The following PRAMEF15 variants were observed in gnomAD, a reference collection of about 807,000 sequenced individuals.
PRAMEF15 encodes the protein PRAME family member 9/15.
A neutral mutation model predicts 35.3 loss-of-function variants in PRAMEF15; 21 were observed. The ratio of observed to expected loss-of-function variants is 0.59; its 90% CI spans 0.42 to 0.86. The LOEUF (loss-of-function observed/expected upper bound fraction) is 0.86, where lower values mean the gene tolerates loss of function less well. PRAMEF15 is among the 40% of genes least tolerant of loss of function. The pLI is 0.00. For synonymous variants in PRAMEF15, 122 were observed against 223.3 expected, an observed-to-expected ratio of 0.55 and a Z score of 4.05; for missense variants, 360 against 574.1, an observed-to-expected ratio of 0.63 and a Z score of 3.81.
chr1:13,317,397 C>A (rs80279290), intron 1 of PRAMEF15, among the ~76,000 whole-genome samples: 1 of 151,764 alleles, frequency 6.6e-6, no homozygotes. Context: ...ACATGTGTAA[C>A]AGGAGTGCAT....
chr1:13,315,863 C>T (rs1171761150), intron 1 of PRAMEF15, among the ~76,000 whole-genome samples: 1 of 151,648 alleles, frequency 6.6e-6, no homozygotes, highest in Non-Finnish European at 1.5e-5. Context: ...TTGGTTGATG[C>T]CATTTTAAAA....
chr1:13,319,941 A>G lies in PRAMEF15; in HGVS notation c.863A>G (p.Asp288Gly). The G allele has an allele frequency of 6.2e-7, 1 of 1,610,990 alleles. No individual in the cohort carries two copies. The highest frequency in any genetic ancestry group is 8.5e-7 in the Non-Finnish European group (1 of 1,179,760). The change falls in exon 3 of 4, where the codon GAC becomes GGC. Residue 288 changes from aspartate (D) to glycine (G), a missense_variant. By Grantham distance (94) the Asp-to-Gly change is moderately conservative. Around this residue, in one of 8 missense-constraint regions of PRAMEF15, gnomAD observed 72 missense variants for 79.9 expected, o/e 0.90. Transcript: ENST00000376152. ...NSVSFLEGHL[D>G]QLLSCLKTSL... ...GTTTCTTTCCTCGAAGGCCACCTGG[A>G]CCAGCTGCTCAGGTGAGGGAGGATG...
Position 13,319,386 on chromosome 1 carries a change from A to G in PRAMEF15, c.308A>G (p.Gln103Arg), listed in dbSNP as rs1355187760. The change falls in exon 3 of 4, where the codon CAA becomes CGA. Residue 103 changes from glutamine (Q) to arginine (R), a missense_variant. Physicochemically the swap from Gln to Arg is conservative, Grantham distance 43. Coordinates refer to ENST00000376152, the MANE Select transcript of PRAMEF15 (RefSeq NM_001098376.3). ...QGVRPRRWKL[Q>R]VLDLQDVCEN... Reference sequence around the variant, plus strand: ...TTTTGCCACAGGAGGTGGAAACTCCAAGTGCTGGATTTACAGGATGTCTGT... The same window carrying G: ...TTTTGCCACAGGAGGTGGAAACTCCGAGTGCTGGATTTACAGGATGTCTGT... 1.9e-6 allele frequency: 3 copies of G among 1,611,302 alleles called. No homozygotes were observed. Among genetic ancestry groups the G allele is most frequent in the Admixed American group, 3.3e-5 (2 of 59,948 alleles).
chr1:13,322,097 G>T lies in PRAMEF15; in HGVS notation c.1270G>T (p.Ala424Ser). 1 of 1,609,720 alleles carries T rather than the reference G, an allele frequency of 6.2e-7. No homozygotes were observed. The highest frequency in any genetic ancestry group is 8.5e-7 in the Non-Finnish European group (1 of 1,179,002). ...LYPAPRESYG[A>S]DGTLCWSRFA... ...TCCTGCCCCCCGAGAGAGTTATGGT[G>T]CTGATGGTACTCTCTGCTGGAGCAG... The change falls in exon 4 of 4, where the codon GCT (alanine) becomes TCT (serine). Residue 424 changes from alanine to serine, a missense_variant. By Grantham distance (99) the Ala-to-Ser change is moderately conservative. Around this residue, in one of 8 missense-constraint regions of PRAMEF15, gnomAD observed 147 missense variants for 123.5 expected, o/e 1.19. Transcript: ENST00000376152.
chr1:13,320,264 A>T (rs1640065938), intron 3 of PRAMEF15, among the ~76,000 whole-genome samples: 7 of 152,080 alleles, frequency 4.6e-5, no homozygotes, highest in Admixed American at 3.9e-4. Context: ...CTAAGTTAAG[A>T]TGATGAAAAA....
chr1:13,322,426 G>A lies in PRAMEF15; in HGVS notation c.*162G>A. ...AGCTGATCAAGCAGGGGCCGGACTT[G>A]GGGGAAATGTTGCCATGGATTCGAT... On this transcript the variant is annotated 3_prime_UTR_variant, in exon 4 of 4. Coordinates refer to ENST00000376152, the MANE Select transcript of PRAMEF15 (RefSeq NM_001098376.3). The A allele has an allele frequency of 1.4e-6, 1 of 720,942 alleles. No individual in the cohort carries two copies. The highest frequency in any genetic ancestry group is 2.3e-6 in the Non-Finnish European group (1 of 443,186). 44.7% of individuals were successfully genotyped at this position (720,942 alleles called of 1,614,324 possible).
Position 13,319,859 on chromosome 1 carries a change from C to G in PRAMEF15, c.781C>G (p.Gln261Glu). 1 of 1,604,158 alleles carries G rather than the reference C, an allele frequency of 6.2e-7. No homozygotes were observed. Among genetic ancestry groups the G allele is most frequent in the Non-Finnish European group, 8.5e-7 (1 of 1,179,766 alleles). Reference sequence around the variant, plus strand: ...AGAGCAGAAGAAGGAGATTGTTACCCAGTTCACCACTCAGTTCCTCAAGCT... The same window carrying G: ...AGAGCAGAAGAAGGAGATTGTTACCGAGTTCACCACTCAGTTCCTCAAGCT... ...SPEQKKEIVTQFTTQFLKLRC... is the reference protein window; with the variant it reads ...SPEQKKEIVTEFTTQFLKLRC... The change falls in exon 3 of 4, where the codon CAG becomes GAG. Residue 261 changes from glutamine (Q) to glutamate (E), a missense_variant. Gln to Glu is a conservative substitution (Grantham distance 29, BLOSUM62 2). Transcript: ENST00000376152.
chr1:13,320,256 A>G (rs1394821003), intron 3 of PRAMEF15, among the ~76,000 whole-genome samples: 43 of 152,068 alleles, frequency 2.8e-4, no homozygotes, highest in African/African-American at 8.9e-4. Flanking sequence ...ACATGTGTCT[A>G]AGTTAAGATG....
In PRAMEF15 at chr1:13,318,450, G is replaced by C. The variant is rs1419014314; in HGVS notation, c.43G>C (p.Ala15Pro). The change falls in exon 2 of 4, where the codon GCA (alanine) becomes CCA (proline). Residue 15 changes from alanine (A) to proline (P), a missense_variant. Around this residue, in one of 8 missense-constraint regions of PRAMEF15, gnomAD observed 31 missense variants for 46.4 expected, o/e 0.67. Coordinates refer to ENST00000376152, the MANE Select transcript of PRAMEF15 (RefSeq NM_001098376.3). ...IRTPPRLLEL[A>P]GRSLLRDQAL... ...GACTCCACCCAGACTCCTGGAGCTT[G>C]CAGGGCGGAGCCTGCTGAGGGACCA... 4.3e-6 allele frequency: 7 copies of C among 1,613,794 alleles called. No homozygotes were observed. In the African/African-American group the frequency reaches 5.3e-5, roughly 12 times the overall value.
chr1:13,316,571 C>T (rs1640008000), intron 1 of PRAMEF15, among the ~76,000 whole-genome samples: 1 of 151,916 alleles, frequency 6.6e-6, no homozygotes, highest in Non-Finnish European at 1.5e-5. Context: ...ATGAGAATTG[C>T]TTGAATCTTG....
intron 3 of PRAMEF15, among the ~76,000 whole-genome samples, chr1:13,320,358 A>G (rs1339862312): frequency 6.6e-6 from 1 of 152,140 alleles, no homozygotes; most frequent in Non-Finnish European, 1.5e-5. Context: ...TAGGAGTTTA[A>G]GACCAGTCTG....
At chr1:13,316,041 C>T (rs1235699919) in intron 1 of PRAMEF15, among the ~76,000 whole-genome samples, 3 of 150,790 alleles carry the variant, frequency 2.0e-5, no homozygotes, top group Admixed American at 1.3e-4. Context: ...ACTGTGTTGC[C>T]CAGACTGGAG....
rs1309240475 is a variant in PRAMEF15 at position 13,316,002 on chromosome 1, G to GT, written c.-17+352dup. On this transcript the variant is annotated intron_variant, in intron 1 of 3. Transcript: ENST00000376152. The stretch of plus-strand genomic sequence containing the variant: ...TGACAAAAACCCTCCTCTGCACAAC[G>GT]TTTTTTTTGGGGGTGGGGATGGAGT... Among the ~76,000 whole-genome samples the GT allele has an allele frequency of 5.4e-5, 8 of 148,058 alleles. No homozygotes were observed. In the East Asian group the frequency reaches 6.2e-4, roughly 11 times the overall value.
At chr1:13,317,677 TGAG>T (rs1226047740) in intron 1 of PRAMEF15, among the ~76,000 whole-genome samples, 1 of 151,470 alleles carries the variant, frequency 6.6e-6, no homozygotes, top group African/African-American at 2.4e-5. Flanking sequence ...CTTGGGAGGC[TGAG>T]GAGGAAGAAT....
intron 1 of PRAMEF15, among the ~76,000 whole-genome samples, chr1:13,318,129 A>G (rs1166671447): frequency 1.3e-5 from 2 of 152,010 alleles, no homozygotes; most frequent in African/African-American, 4.8e-5. Flanking sequence ...AGGTTCCTCC[A>G]TACTCACTAG....
Position 13,319,376 on chromosome 1 carries a change from T to A in PRAMEF15, c.298T>A (p.Trp100Arg), listed in dbSNP as rs1303327767. The A allele has an allele frequency of 6.2e-7, 1 of 1,610,642 alleles. No homozygotes were observed. Among genetic ancestry groups the A allele is most frequent in the Admixed American group, 1.7e-5 (1 of 59,910 alleles). The stretch of plus-strand genomic sequence containing the variant: ...CTCACCTCTATTTTGCCACAGGAGG[T>A]GGAAACTCCAAGTGCTGGATTTACA... The part of the protein sequence containing the change: ...LLTQGVRPRR[W>R]KLQVLDLQDV... The change falls in exon 3 of 4, where the codon TGG becomes AGG. Residue 100 changes from tryptophan to arginine, a missense_variant. By Grantham distance (101) the Trp-to-Arg change is moderately radical. Around this residue, in one of 8 missense-constraint regions of PRAMEF15, gnomAD observed 44 missense variants for 25.9 expected, o/e 1.70. Coordinates refer to ENST00000376152, the MANE Select transcript of PRAMEF15 (RefSeq NM_001098376.3).
intron 3 of PRAMEF15, among the ~76,000 whole-genome samples, chr1:13,320,839 T>G (rs1470233287): frequency 0.025 from 3,441 of 136,210 alleles, no homozygotes; most frequent in East Asian, 0.13. Context: ...CCCACAGTTT[T>G]GTGAACATGA....
At chr1:13,316,420 T>G (rs1640004807) in intron 1 of PRAMEF15, among the ~76,000 whole-genome samples, 1 of 151,458 alleles carries the variant, frequency 6.6e-6, no homozygotes, top group East Asian at 1.9e-4. Flanking sequence ...AGAGAGACAC[T>G]CTGTCCAAAA....
rs1160133159 is a variant in PRAMEF15 at position 13,319,467 on chromosome 1, C to T, written c.389C>T (p.Ala130Val). The part of the protein sequence containing the change: ...EAMAHGCFLN[A>V]KRNKKPVQDC... ...ATGGCCCATGGGTGCTTCCTCAATG[C>T]CAAGAGGAACAAAAAACCAGTGCAG... Residue 130 changes from alanine to valine, a missense_variant, in exon 3 of 4, where the codon GCC becomes GTC. Ala to Val is a moderately conservative substitution (Grantham distance 64). This residue lies in a region of PRAMEF15 where 18 missense variants were observed against 42.9 expected (regional missense o/e 0.42). Transcript: ENST00000376152. 2.3e-5 allele frequency: 37 copies of T among 1,613,530 alleles called. No homozygotes were observed. The Admixed American group carries it at 4.7e-4, about 20-fold the overall frequency.
Sources: gnomAD v4.1 joint callset for allele counts (sites outside exome capture counted in the v4.1 genomes callset) on GRCh38, gnomAD v4.1.1 for gene constraint, gnomAD v4.1.1 regional missense constraint, MANE v1.5 for transcripts, NCBI Gene and HGNC (gene_info 2026-07-23, HGNC 2026-07-21) for gene names.